Variants in MICAL3 observed in about 807,000 individuals in gnomAD.
MICAL3 encodes the protein [F-actin]-monooxygenase MICAL3.
Under a neutral mutation model 207.4 loss-of-function variants are expected in MICAL3, and 62 were observed. The observed-to-expected ratio is 0.30, with a 90% confidence interval of 0.24 to 0.37. The LOEUF (loss-of-function observed/expected upper bound fraction) is 0.37. Ranked by LOEUF, MICAL3 falls within the 10% of genes least tolerant of loss-of-function variation. The probability of loss-of-function intolerance (pLI) is 1.00; values close to 1 mark genes in which losing one functional copy is unlikely to be tolerated. For synonymous variants in MICAL3, 1,077 were observed against 1,069.3 expected (o/e 1.01, Z -0.14); for missense variants, 2,368 against 2,635.6 (o/e 0.90, Z 2.22).
chr22:17,857,813 CCTT>C (rs1183679198), intron 19 of MICAL3, among the ~76,000 whole-genome samples: 6 of 152,198 alleles, frequency 3.9e-5, no homozygotes, highest in African/African-American at 1.4e-4. Flanking sequence ...GGGGCGTGTG[CCTT>C]CTTCCCGTTT....
At chr22:17,824,903 C>T (rs577965884) in intron 22 of MICAL3, among the ~76,000 whole-genome samples, 12 of 152,350 alleles carry the variant, frequency 7.9e-5, no homozygotes, top group African/African-American at 1.9e-4. Context: ...TGCACTACAC[C>T]GATTCTGAAA....
intron 1 of MICAL3, among the ~76,000 whole-genome samples, chr22:18,016,338 A>G (rs76024437): frequency 6.6e-6 from 1 of 152,260 alleles, no homozygotes; most frequent in Non-Finnish European, 1.5e-5. Flanking sequence ...TGAACTGTGA[A>G]TTTATCCCTG....
chr22:17,936,951 A>G (rs1021069333), intron 1 of MICAL3, among the ~76,000 whole-genome samples: 1 of 152,192 alleles, frequency 6.6e-6, no homozygotes, highest in Non-Finnish European at 1.5e-5. Flanking sequence ...CTGCAAGAGC[A>G]CAGTGATGAC....
chr22:17,858,095 A>C (rs1926118789), intron 19 of MICAL3, among the ~76,000 whole-genome samples: 1 of 152,240 alleles, frequency 6.6e-6, no homozygotes, highest in South Asian at 2.1e-4. Context: ...ACCCGGAAGT[A>C]ATTGATGGAG....
Position 17,896,854 on chromosome 22 carries a change from T to C in MICAL3, c.1076A>G (p.Asn359Ser), listed in dbSNP as rs200619290. Residue 359 changes from asparagine to serine, a missense_variant, in exon 8 of 32, where the codon AAT becomes AGT. Physicochemically the swap from Asn to Ser is conservative, Grantham distance 46. Transcript: ENST00000441493. ...QQLPSLDFAI[N>S]HYGQPDVAMF... ...GGCCACATCGGGCTGCCCATAGTGA[T>C]TGATGGCAAAATCCAGAGACGGCAG... 1.0e-3 allele frequency: 1,653 copies of C among 1,614,144 alleles called. 2 individuals carry two copies. Among genetic ancestry groups the C allele is most frequent in the Non-Finnish European group, 1.3e-3 (1,574 of 1,180,018 alleles).
chr22:17,897,438 A>C (rs868713670), intron 7 of MICAL3, among the ~76,000 whole-genome samples: 19 of 151,644 alleles, frequency 1.3e-4, no homozygotes, highest in Middle Eastern at 3.4e-3. Context: ...AAAAAAAAAA[A>C]AAAAAAAGAG....
chr22:17,901,798 ACGCACAGTCT>A (rs1931342199), intron 5 of MICAL3, 70 bp downstream of exon 5: 4 of 1,079,132 alleles, frequency 3.7e-6, no homozygotes, highest in Middle Eastern at 4.1e-4. Context: ...GACGCTGGTC[ACGCACAGTCT>A]CGCCCCAGAG....
At chr22:17,991,405 T>C (rs1257504705) in intron 1 of MICAL3, among the ~76,000 whole-genome samples, 1 of 152,258 alleles carries the variant, frequency 6.6e-6, no homozygotes, top group Non-Finnish European at 1.5e-5. Flanking sequence ...ATTCTTTTAC[T>C]GTGAAGAATT....
At chr22:17,894,072 T>C (rs1930614596) in intron 10 of MICAL3, among the ~76,000 whole-genome samples, 168 bp from the exon 11 acceptor site, 1 of 152,038 alleles carries the variant, frequency 6.6e-6, no homozygotes, top group Non-Finnish European at 1.5e-5. Context: ...AAGGTGGGGT[T>C]TGAGAAAAAC....
At chr22:17,934,972 T>G (rs570920939) in intron 1 of MICAL3, among the ~76,000 whole-genome samples, 3 of 152,272 alleles carry the variant, frequency 2.0e-5, no homozygotes, top group East Asian at 3.9e-4. Flanking sequence ...CACAAACAAA[T>G]GGAAGAATAT....
chr22:18,022,530 G>A (rs1001301190), intron 1 of MICAL3, among the ~76,000 whole-genome samples: 4 of 151,934 alleles, frequency 2.6e-5, no homozygotes, highest in Non-Finnish European at 4.4e-5. Context: ...CCTGGCTCAA[G>A]CTATTCTCAT....
At chr22:17,867,759 A>C (rs892799510) in intron 17 of MICAL3, among the ~76,000 whole-genome samples, 1 of 152,246 alleles carries the variant, frequency 6.6e-6, no homozygotes, top group Non-Finnish European at 1.5e-5. Flanking sequence ...TCTGGATGGA[A>C]GCTATAAAGT....
chr22:18,022,730 C>G (rs1338772429), intron 1 of MICAL3, among the ~76,000 whole-genome samples: 1 of 152,068 alleles, frequency 6.6e-6, no homozygotes, highest in African/African-American at 2.4e-5. Context: ...CGCCCAGCCC[C>G]CTCTTCTGCT....
chr22:17,901,416 T>C (rs1411435470), intron 5 of MICAL3, among the ~76,000 whole-genome samples: 1 of 152,124 alleles, frequency 6.6e-6, no homozygotes, highest in Non-Finnish European at 1.5e-5. Context: ...TTCACGCCTG[T>C]AATCCCAACA....
At chr22:18,014,919 G>C (rs1923959692) in intron 1 of MICAL3, among the ~76,000 whole-genome samples, 1 of 151,880 alleles carries the variant, frequency 6.6e-6, no homozygotes, top group African/African-American at 2.4e-5. Context: ...CATGAACCCA[G>C]AAGCTTGCAG....
At position 17,891,636 on chromosome 22, in the gene MICAL3, A is replaced by G. The variant is rs765583873; in HGVS notation, c.1547-4T>C. On this transcript the variant is annotated splice_polypyrimidine_tract_variant and splice_region_variant and intron_variant, in intron 11 of 31. Coordinates refer to ENST00000441493, the MANE Select transcript of MICAL3 (RefSeq NM_015241.3). Reference sequence around the variant, plus strand: ...TTGCTTGAACGAGCTACAGACTCTAAAACAACAAAACACAGTATTATTGGA... The same window carrying G: ...TTGCTTGAACGAGCTACAGACTCTAGAACAACAAAACACAGTATTATTGGA... The G allele has an allele frequency of 4.3e-6, 7 of 1,613,612 alleles. No homozygotes were observed. In the South Asian group the frequency reaches 7.7e-5, roughly 18 times the overall value.
At chr22:17,960,430 G>C (rs1934851820) in intron 1 of MICAL3, among the ~76,000 whole-genome samples, 1 of 152,212 alleles carries the variant, frequency 6.6e-6, no homozygotes, top group Non-Finnish European at 1.5e-5. Flanking sequence ...GCAGAAGAGT[G>C]AACAAAACAA....
chr22:17,998,560 A>T (rs2401496), intron 1 of MICAL3, among the ~76,000 whole-genome samples: 27,513 of 143,778 alleles, frequency 0.19, 2,842 homozygotes, highest in Middle Eastern at 0.26. Context: ...TATTATTATT[A>T]TTATTTTTTT....
chr22:17,827,563 C>A, intron 22 of MICAL3, 81 bp downstream of exon 22: 1 of 1,454,932 alleles, frequency 6.9e-7, no homozygotes, highest in Non-Finnish European at 9.1e-7. Flanking sequence ...TCTGCCCTGA[C>A]AGAAAGGCCC....
Sources: allele counts gnomAD v4.1 joint callset (sites outside exome capture counted in the v4.1 genomes callset), GRCh38; gene constraint gnomAD v4.1.1; transcripts MANE v1.5; gene names NCBI Gene and HGNC (gene_info 2026-07-23, HGNC 2026-07-21).